Variants in VPS13B observed in about 807,000 individuals in gnomAD.
VPS13B encodes intermembrane lipid transfer protein VPS13B.
A neutral mutation model predicts 426.4 loss-of-function variants in VPS13B; 285 were observed. That is an observed-to-expected ratio of 0.67 (90% CI 0.61 to 0.74). The LOEUF (loss-of-function observed/expected upper bound fraction) is 0.74. Ranked by LOEUF, VPS13B falls within the 30% of genes least tolerant of loss-of-function variation. VPS13B has a pLI of 0.00. For missense variants in VPS13B, 4,537 were observed against 4,782.6 expected (o/e 0.95, Z 1.51); for synonymous variants, 1,676 against 1,676.4 (o/e 1.00, Z 0.01).
chr8:99,762,212 G>T (rs893201499), intron 39 of VPS13B, among the ~76,000 whole-genome samples: 5 of 151,928 alleles, frequency 3.3e-5, no homozygotes, highest in Non-Finnish European at 7.4e-5. Context: ...CTCCTGTAGA[G>T]ACAGGGTCTT....
chr8:99,108,238 A>G (rs968982163), intron 5 of VPS13B, among the ~76,000 whole-genome samples: 1 of 151,984 alleles, frequency 6.6e-6, no homozygotes, highest in African/African-American at 2.4e-5. Context: ...TTCTTTATCT[A>G]CTTCACTGTT....
At chr8:99,860,705 G>A (rs977740100) in intron 57 of VPS13B, among the ~76,000 whole-genome samples, 2 of 152,230 alleles carry the variant, frequency 1.3e-5, no homozygotes. Flanking sequence ...TAACAGATGA[G>A]CTAGTTTGTT....
chr8:99,298,474 A>G (rs904659324), intron 19 of VPS13B, among the ~76,000 whole-genome samples: 4 of 152,188 alleles, frequency 2.6e-5, no homozygotes, highest in African/African-American at 9.6e-5. Flanking sequence ...GGGCAACAAG[A>G]GTGAAACTTG....
rs1268085863 is a variant in VPS13B at position 99,124,209 on chromosome 8, A to T, written c.1206+2764A>T. Among the ~76,000 whole-genome samples the T allele has an allele frequency of 1.2e-4, 18 of 152,284 alleles. No individual in the cohort carries two copies. The South Asian group carries it at 2.1e-3, about 18-fold the overall frequency. On this transcript the variant is annotated intron_variant, in intron 8 of 61. Transcript: ENST00000357162. ...GGGAATAGATTATTTGTAAGAATGG[A>T]TCCTTGGATTTGACAATGTGGAAAT...
chr8:99,295,766 T>A (rs1406757991), intron 19 of VPS13B, among the ~76,000 whole-genome samples: 1 of 152,154 alleles, frequency 6.6e-6, no homozygotes, highest in Non-Finnish European at 1.5e-5. Context: ...CAATGGCTCA[T>A]CCCTATAATC....
At chr8:99,466,010 T>C (rs1460385056) in intron 23 of VPS13B, among the ~76,000 whole-genome samples, 1 of 152,114 alleles carries the variant, frequency 6.6e-6, no homozygotes, top group Non-Finnish European at 1.5e-5. Flanking sequence ...TGGTACCTAC[T>C]GAATATTGAA....
chr8:99,109,857 A>C (rs1417897504), intron 5 of VPS13B, among the ~76,000 whole-genome samples: 1 of 152,178 alleles, frequency 6.6e-6, no homozygotes, highest in Non-Finnish European at 1.5e-5. Flanking sequence ...CAGATAAGAG[A>C]TGTAAAAGAC....
chr8:99,510,912 T>C (rs1821759014), intron 28 of VPS13B, among the ~76,000 whole-genome samples, 192 bp from the exon 29 acceptor site: 1 of 152,212 alleles, frequency 6.6e-6, no homozygotes, highest in East Asian at 1.9e-4. Flanking sequence ...TTCCCATCTT[T>C]AGTTCAGTCA....
rs1337315907 is a variant in VPS13B, at chr8:99,531,837, A to C, written c.4745+10827A>C. Among the ~76,000 whole-genome samples, 4 of 152,226 alleles carry C rather than the reference A, an allele frequency of 2.6e-5. No individual in the cohort carries two copies. The East Asian group carries it at 5.8e-4, about 22-fold the overall frequency. ...ATTTGGAAGTCATCTAACAGTATAT[A>C]TCGACCACCTATATCATTGCTCTGT... On this transcript the variant is annotated intron_variant, in intron 30 of 61. Coordinates refer to ENST00000357162, the MANE Select transcript of VPS13B (RefSeq NM_152564.5).
At chr8:99,737,595 A>G (rs1833898213) in intron 39 of VPS13B, among the ~76,000 whole-genome samples, 1 of 152,178 alleles carries the variant, frequency 6.6e-6, no homozygotes, top group African/African-American at 2.4e-5. Context: ...TACCTGTACT[A>G]TTAGTTAATG....
intron 16 of VPS13B, among the ~76,000 whole-genome samples, chr8:99,185,188 C>T (rs1813154365): frequency 6.6e-6 from 1 of 151,986 alleles, no homozygotes; most frequent in African/African-American, 2.4e-5. Flanking sequence ...TAGACATACA[C>T]CTATGTGTAT....
At chr8:99,746,475 A>G (rs1334932493) in intron 39 of VPS13B, among the ~76,000 whole-genome samples, 3 of 152,154 alleles carry the variant, frequency 2.0e-5, no homozygotes, top group Admixed American at 6.6e-5. Context: ...TTCCTCCACT[A>G]GGAAGGAGGA....
intron 30 of VPS13B, among the ~76,000 whole-genome samples, chr8:99,548,729 G>A (rs1588485057): frequency 6.6e-6 from 1 of 151,810 alleles, no homozygotes; most frequent in East Asian, 1.9e-4. Context: ...ATTTCAAGTT[G>A]AGGGAAAAAA....
chr8:99,629,424 A>G (rs2133907746), intron 33 of VPS13B, among the ~76,000 whole-genome samples: 1 of 152,308 alleles, frequency 6.6e-6, no homozygotes, highest in Admixed American at 6.5e-5. Flanking sequence ...GAAGCTTACA[A>G]TATAGAGTGT....
chr8:99,709,168 T>G (rs1330864116), intron 36 of VPS13B, among the ~76,000 whole-genome samples: 1 of 152,224 alleles, frequency 6.6e-6, no homozygotes, highest in Non-Finnish European at 1.5e-5. Context: ...ATCTAACACA[T>G]GCTTGCTGAT....
At chr8:99,503,006 C>T (rs1821322090) in intron 27 of VPS13B, 56 bp downstream of exon 27, 2 of 1,308,140 alleles carry the variant, frequency 1.5e-6, no homozygotes, top group East Asian at 2.3e-5. Flanking sequence ...AACAAAGTTA[C>T]CATAAGACTT....
chr8:99,708,370 C>T (rs1283476698), intron 36 of VPS13B, among the ~76,000 whole-genome samples: 1 of 152,150 alleles, frequency 6.6e-6, no homozygotes, highest in Non-Finnish European at 1.5e-5. Context: ...ATAAAAAATA[C>T]CTTTCCCAGA....
intron 28 of VPS13B, 38 bp from the exon 29 acceptor site, chr8:99,511,066 A>G (rs773752209): frequency 6.2e-7 from 1 of 1,606,152 alleles, no homozygotes; most frequent in East Asian, 2.2e-5. Flanking sequence ...AAATCTTTTT[A>G]ATGAACTGTG....
intron 43 of VPS13B, among the ~76,000 whole-genome samples, chr8:99,797,350 C>T (rs1422052129): frequency 6.6e-6 from 1 of 152,064 alleles, no homozygotes; most frequent in East Asian, 1.9e-4. Context: ...AGCGATCCTC[C>T]TACCTCTGCT....
Sources: allele counts gnomAD v4.1 joint callset (sites outside exome capture counted in the v4.1 genomes callset), GRCh38; gene constraint gnomAD v4.1.1; transcripts MANE v1.5; gene names NCBI Gene and HGNC (gene_info 2026-07-23, HGNC 2026-07-21).